The following GATAD2B variants were observed in gnomAD, a reference collection of about 807,000 sequenced individuals.
GATAD2B encodes transcriptional repressor p66-beta.
In GATAD2B, 8 loss-of-function variants were observed where a neutral mutation model predicts 64.3. The observed-to-expected ratio is 0.12, with a 90% CI of 0.07 to 0.22. The LOEUF is 0.22. GATAD2B is among the 10% of genes least tolerant of loss of function. The pLI, the probability that GATAD2B is intolerant of heterozygous loss-of-function variation, is 1.00. For synonymous variants in GATAD2B, 281 were observed against 271.3 expected (o/e 1.04, Z -0.35); for missense variants, 453 against 752.0 (o/e 0.60, Z 4.65).
rs771879855 is a variant in GATAD2B, at chr1:153,824,612, T to TAAAA, written c.335+3397_335+3400dup. 2.8e-3 allele frequency among the ~76,000 whole-genome samples: 275 copies of TAAAA among 96,652 alleles called. 4 individuals are homozygous for TAAAA. The highest frequency in any genetic ancestry group is 0.018 in the Middle Eastern group (2 of 112). The allele number at this position is 96,652 out of a possible 152,430, so 63.4% of individuals were successfully genotyped here. A position where few individuals can be genotyped will look rare whatever the true frequency, so the allele number is the denominator to read the frequency against. On this transcript the variant is annotated intron_variant, in intron 2 of 10. Coordinates refer to ENST00000368655, the MANE Select transcript of GATAD2B (RefSeq NM_020699.4). Reference sequence around the variant, plus strand: ...GGGCAACAGAGCGAGACTCTGCCTTTAAAAAAAAAAAAAAAAAAAAAAAAA... The same window carrying TAAAA: ...GGGCAACAGAGCGAGACTCTGCCTTTAAAAAAAAAAAAAAAAAAAAAAAAAAAAA...
chr1:153,855,383 C>T (rs947541712), intron 1 of GATAD2B, among the ~76,000 whole-genome samples: 4 of 151,958 alleles, frequency 2.6e-5, no homozygotes, highest in Non-Finnish European at 5.9e-5. Context: ...CAGGTGTCCC[C>T]ACGCCCGGCT....
At chr1:153,851,342 A>C (rs1423582917) in intron 1 of GATAD2B, among the ~76,000 whole-genome samples, 1 of 152,158 alleles carries the variant, frequency 6.6e-6, no homozygotes, top group Non-Finnish European at 1.5e-5. Flanking sequence ...TTCTATATTT[A>C]ATATGTCAAG....
intron 7 of GATAD2B, among the ~76,000 whole-genome samples, chr1:153,813,838 C>T (rs6677794): frequency 0.41 from 62,281 of 151,954 alleles, 13,881 homozygotes; most frequent in Non-Finnish European, 0.52. Flanking sequence ...ATTAGGCGGG[C>T]GTGGTGGCAC....
chr1:153,916,414 AAAGT>A (rs1678268855), intron 1 of GATAD2B, among the ~76,000 whole-genome samples: 1 of 152,226 alleles, frequency 6.6e-6, no homozygotes, highest in Non-Finnish European at 1.5e-5. Flanking sequence ...AAATATTTAG[AAAGT>A]AATAGGTAAG....
intron 2 of GATAD2B, among the ~76,000 whole-genome samples, chr1:153,825,364 T>C (rs1288662828): frequency 6.6e-6 from 1 of 152,210 alleles, no homozygotes; most frequent in African/African-American, 2.4e-5. Context: ...TTTTCTCCTC[T>C]TCCAGGACCT....
chr1:153,920,718 C>A (rs1249751908), intron 1 of GATAD2B, among the ~76,000 whole-genome samples: 1 of 152,122 alleles, frequency 6.6e-6, no homozygotes, highest in East Asian at 1.9e-4. Flanking sequence ...ATAGGCAGGA[C>A]AAAAGTCTGT....
Position 153,828,282 on chromosome 1 carries a change from A to T in GATAD2B, c.66T>A (p.Asp22Glu), listed in dbSNP as rs1674952455. 1 of 1,613,754 alleles carries T rather than the reference A, an allele frequency of 6.2e-7. No individual in the cohort carries two copies. The highest frequency in any genetic ancestry group is 8.5e-7 in the Non-Finnish European group (1 of 1,180,056). Residue 22 changes from aspartate to glutamate, a missense_variant, in exon 2 of 11, where the codon GAT becomes GAA. Asp to Glu is a conservative substitution (Grantham distance 45). Transcript: ENST00000368655. ...GCTTTGCCAGGACATCATCTCGCTCATCTGCTGGGTCCAAGCTCCGCTTCA... is the reference window on the plus strand; with the variant it reads ...GCTTTGCCAGGACATCATCTCGCTCTTCTGCTGGGTCCAAGCTCCGCTTCA... ...NLLKRSLDPADERDDVLAKRL... is the reference protein window; with the variant it reads ...NLLKRSLDPAEERDDVLAKRL...
At chr1:153,855,494 T>C (rs1676052550) in intron 1 of GATAD2B, among the ~76,000 whole-genome samples, 1 of 152,192 alleles carries the variant, frequency 6.6e-6, no homozygotes, top group Non-Finnish European at 1.5e-5. Context: ...CCTCCCAAAG[T>C]GCTGGGATTA....
chr1:153,909,421 C>T (rs1319231853), intron 1 of GATAD2B, among the ~76,000 whole-genome samples: 3 of 151,532 alleles, frequency 2.0e-5, no homozygotes, highest in African/African-American at 4.8e-5. Context: ...ACTGTGGTCT[C>T]GATCTCCTGA....
chr1:153,886,257 T>C (rs1386165225), intron 1 of GATAD2B, among the ~76,000 whole-genome samples: 4 of 152,224 alleles, frequency 2.6e-5, no homozygotes, highest in Non-Finnish European at 5.9e-5. Context: ...TGTGTGAACA[T>C]TGTAAAGTGT....
chr1:153,832,144 G>A (rs1675099368), intron 1 of GATAD2B, among the ~76,000 whole-genome samples: 1 of 152,094 alleles, frequency 6.6e-6, no homozygotes. Flanking sequence ...GAACCCGGGA[G>A]GCAGAGGTTT....
At chr1:153,893,011 A>C (rs954375200) in intron 1 of GATAD2B, among the ~76,000 whole-genome samples, 1 of 152,054 alleles carries the variant, frequency 6.6e-6, no homozygotes, top group African/African-American at 2.4e-5. Context: ...TTCTTTATTG[A>C]AATGAGGGAA....
intron 1 of GATAD2B, among the ~76,000 whole-genome samples, chr1:153,837,925 C>T (rs1169509426): frequency 6.6e-6 from 1 of 152,162 alleles, no homozygotes; most frequent in Non-Finnish European, 1.5e-5. Context: ...TATTTCTTAA[C>T]CACCCACTTA....
intron 1 of GATAD2B, chr1:153,886,629 G>A (rs559246083): frequency 1.4e-5 from 2 of 145,138 alleles, no homozygotes; most frequent in Non-Finnish European, 3.0e-5. Flanking sequence ...CCGGGTTCAC[G>A]CCATTCTCCT....
chr1:153,867,859 C>T (rs1235379189), intron 1 of GATAD2B, among the ~76,000 whole-genome samples: 4 of 150,296 alleles, frequency 2.7e-5, no homozygotes, highest in Admixed American at 2.7e-4. Context: ...GACTCCGTCT[C>T]AAAAAACAAC....
At chr1:153,850,547 ACAT>A (rs1675850756) in intron 1 of GATAD2B, among the ~76,000 whole-genome samples, 1 of 152,020 alleles carries the variant, frequency 6.6e-6, no homozygotes, top group Non-Finnish European at 1.5e-5. Flanking sequence ...TGATCCGCCC[ACAT>A]CAGCCTCCCA....
At chr1:153,867,644 G>C (rs905572626) in intron 1 of GATAD2B, among the ~76,000 whole-genome samples, 2 of 152,058 alleles carry the variant, frequency 1.3e-5, no homozygotes, top group African/African-American at 4.8e-5. Context: ...TGGATCACCT[G>C]AGGTCAGGAG....
rs1570927864 is a variant in GATAD2B, at chr1:153,816,900, A to G, written c.901-312T>C. ...GGAGTTTGAGACCAGCCTGGCCAAC[A>G]TGGTCAAACTCTGTCTCTACGAAAA... On this transcript the variant is annotated intron_variant, in intron 6 of 10. Coordinates refer to ENST00000368655, the MANE Select transcript of GATAD2B (RefSeq NM_020699.4). This position sits in a 1 kb window ranked among gnomAD's most constrained non-coding sequence, Gnocchi z 4.9. Among the ~76,000 whole-genome samples, 1 of 152,160 alleles carries G rather than the reference A, an allele frequency of 6.6e-6. No homozygotes were observed. Among genetic ancestry groups the G allele is most frequent in the South Asian group, 2.1e-4 (1 of 4,824 alleles).
In GATAD2B at chr1:153,839,108, C is replaced by CAA. The variant is rs35262137; in HGVS notation, c.-1-10762_-1-10761dup. Among the ~76,000 whole-genome samples the CAA allele has an allele frequency of 1.2e-3, 94 of 78,564 alleles. 8 individuals are homozygous for CAA. Among genetic ancestry groups the CAA allele is most frequent in the East Asian group, 9.7e-3 (20 of 2,072 alleles). 51.5% of individuals were successfully genotyped at this position (78,564 alleles called of 152,430 possible). On this transcript the variant is annotated intron_variant, in intron 1 of 10. Transcript: ENST00000368655. ...TGGGTGACAGAACGAGACCCTGTCT[C>CAA]AAAAAAAAAAAAAAAAAAAAAAAAA...
Sources: gnomAD v4.1 joint callset for allele counts (sites outside exome capture counted in the v4.1 genomes callset) on GRCh38, gnomAD v4.1.1 for gene constraint, Gnocchi (gnomAD v3.1) non-coding constraint, MANE v1.5 for transcripts, NCBI Gene and HGNC (gene_info 2026-07-23, HGNC 2026-07-21) for gene names.